MYT1L: variants seen among roughly 807,000 people sequenced by gnomAD.
MYT1L encodes myelin transcription factor 1 like.
A neutral mutation model predicts 126.7 loss-of-function variants in MYT1L; 12 were observed. The ratio of observed to expected loss-of-function variants is 0.09; its 90% confidence interval spans 0.06 to 0.15. MYT1L has a LOEUF of 0.15. Among genes scored for constraint, MYT1L ranks in the 10% least tolerant of loss-of-function variants. MYT1L has a pLI of 1.00. For synonymous variants in MYT1L, 541 were observed against 604.2 expected (o/e 0.90, Z 1.53); for missense variants, 979 against 1,585.2 (o/e 0.62, Z 6.49).
intron 3 of MYT1L, among the ~76,000 whole-genome samples, chr2:2,165,499 A>C (rs1325095181): frequency 2.0e-5 from 3 of 152,210 alleles, no homozygotes; most frequent in Admixed American, 2.0e-4. Context: ...GCGTAATTTC[A>C]ACAGAAAAGG....
intron 1 of MYT1L, among the ~76,000 whole-genome samples, chr2:2,322,636 A>G (rs1393350493): frequency 6.6e-6 from 1 of 151,828 alleles, no homozygotes; most frequent in Non-Finnish European, 1.5e-5. Flanking sequence ...CTTTGAAGGC[A>G]GCCAGGCACA....
intron 2 of MYT1L, among the ~76,000 whole-genome samples, chr2:2,174,812 A>G (rs182207364): frequency 0.014 from 2,122 of 152,246 alleles, 38 homozygotes; most frequent in Middle Eastern, 0.034. Flanking sequence ...AGCAAGACCC[A>G]TCTCAGCCAA....
At chr2:2,300,041 T>C (rs1187674802) in intron 1 of MYT1L, among the ~76,000 whole-genome samples, 2 of 152,198 alleles carry the variant, frequency 1.3e-5, no homozygotes, top group Non-Finnish European at 2.9e-5. Context: ...AACACTAGGA[T>C]GGAGCAGTAA....
chr2:1,796,608 C>G (rs961896451), intron 23 of MYT1L, among the ~76,000 whole-genome samples: 1 of 152,150 alleles, frequency 6.6e-6, no homozygotes, highest in African/African-American at 2.4e-5. Flanking sequence ...CACGAGCTCC[C>G]TTTTATACTC....
chr2:2,238,014 G>A (rs2149115684), intron 2 of MYT1L, among the ~76,000 whole-genome samples: 1 of 152,326 alleles, frequency 6.6e-6, no homozygotes, highest in Non-Finnish European at 1.5e-5. Flanking sequence ...TGACAGAAAG[G>A]CGCGTTATGA....
intron 2 of MYT1L, among the ~76,000 whole-genome samples, chr2:2,212,289 T>C (rs1033679116): frequency 6.6e-6 from 1 of 150,922 alleles, no homozygotes; most frequent in Non-Finnish European, 1.5e-5. Flanking sequence ...CCAGGATGAG[T>C]TACCCGATAA....
chr2:1,861,474 A>G (rs975613784), intron 18 of MYT1L, among the ~76,000 whole-genome samples: 3 of 144,090 alleles, frequency 2.1e-5, no homozygotes, highest in African/African-American at 7.7e-5. Context: ...TTTTTGTGCT[A>G]TTTTTTCTTG....
intron 2 of MYT1L, among the ~76,000 whole-genome samples, chr2:2,188,659 T>G (rs899245515): frequency 6.6e-6 from 1 of 152,072 alleles, no homozygotes. Context: ...TCCCTTCCTC[T>G]CCCTTTTTTG....
At chr2:2,313,852 C>T (rs548277266) in intron 1 of MYT1L, among the ~76,000 whole-genome samples, 83 of 152,114 alleles carry the variant, frequency 5.5e-4, no homozygotes, top group Non-Finnish European at 8.8e-4. Context: ...TTACTTATCT[C>T]GATACATACG....
Position 1,910,482 on chromosome 2 carries a change from A to G in MYT1L, c.1710-135T>C. 1.4e-6 allele frequency: 1 copy of G among 713,828 alleles called. No homozygotes were observed. The highest frequency in any genetic ancestry group is 2.4e-6 in the Non-Finnish European group (1 of 414,576). 44.2% of individuals were successfully genotyped at this position (713,828 alleles called of 1,614,324 possible). ...GTAGTTTCCCAAACCTGGCACAGGCAGTCCTGATGGGTGGACTGGGAGAGG... is the reference window on the plus strand; with the variant it reads ...GTAGTTTCCCAAACCTGGCACAGGCGGTCCTGATGGGTGGACTGGGAGAGG... On this transcript the variant is annotated intron_variant, in intron 12 of 24. Coordinates refer to ENST00000647738, the MANE Select transcript of MYT1L (RefSeq NM_001303052.2). The surrounding 1 kb of genome is among the most constrained non-coding windows in gnomAD (Gnocchi z 4.8).
chr2:2,298,764 T>C (rs886706367), intron 1 of MYT1L, among the ~76,000 whole-genome samples: 1 of 152,144 alleles, frequency 6.6e-6, no homozygotes, highest in African/African-American at 2.4e-5. Context: ...GCACCCTCAC[T>C]GAAGTTAGCC....
intron 23 of MYT1L, among the ~76,000 whole-genome samples, chr2:1,794,517 C>T (rs1344594498): frequency 3.3e-5 from 5 of 152,218 alleles, no homozygotes; most frequent in African/African-American, 9.6e-5. Context: ...AGTCCAACTG[C>T]TCCCCCGGCT....
At chr2:1,814,017 A>C (rs1572478269) in intron 21 of MYT1L, among the ~76,000 whole-genome samples, 1 of 122,374 alleles carries the variant, frequency 8.2e-6, no homozygotes, top group Non-Finnish European at 1.7e-5. Context: ...ACAGAGCGAG[A>C]CTCCGTCCCC....
At chr2:2,001,861 A>G (rs1558684692) in intron 4 of MYT1L, among the ~76,000 whole-genome samples, 1 of 152,158 alleles carries the variant, frequency 6.6e-6, no homozygotes, top group Non-Finnish European at 1.5e-5. Context: ...TTACTTTTTC[A>G]TTCCTCGAAT....
intron 4 of MYT1L, among the ~76,000 whole-genome samples, chr2:2,038,072 GGT>G (rs2067087079): frequency 6.6e-6 from 1 of 152,114 alleles, no homozygotes; most frequent in South Asian, 2.1e-4. Flanking sequence ...ACGTAGCATG[GGT>G]TCATTTGGAC....
intron 4 of MYT1L, among the ~76,000 whole-genome samples, chr2:2,004,400 TGCGTTCTTTCCTGC>T (rs2062891774): frequency 8.0e-6 from 1 of 125,402 alleles, no homozygotes; most frequent in South Asian, 2.3e-4. Flanking sequence ...CTTTCCTGCA[TGCGTTCTTTCCTGC>T]ATGCGTTCTT....
At chr2:2,316,829 G>A (rs535217673) in intron 1 of MYT1L, among the ~76,000 whole-genome samples, 14 of 148,678 alleles carry the variant, frequency 9.4e-5, no homozygotes, top group African/African-American at 3.2e-4. Context: ...TTTTTTTTTC[G>A]AGACAGAGTC....
chr2:1,801,469 C>G lies in MYT1L; in HGVS notation c.3276+227G>C, dbSNP rs535717893. On this transcript the variant is annotated intron_variant, in intron 23 of 24. Transcript: ENST00000647738. The surrounding 1 kb of genome is among the most constrained non-coding windows in gnomAD (Gnocchi z 4.2). Reference sequence around the variant, plus strand: ...CACAAATGCACTTTATTAAAAAACACAAACACACATGCAGACTGAAAACGA... The same window carrying G: ...CACAAATGCACTTTATTAAAAAACAGAAACACACATGCAGACTGAAAACGA... 2.3e-6 allele frequency: 1 copy of G among 432,996 alleles called. No homozygotes were observed. Among genetic ancestry groups the G allele is most frequent in the Non-Finnish European group, 4.1e-6 (1 of 246,652 alleles). The allele number at this position is 432,996 out of a possible 1,614,324, so 26.8% of individuals were successfully genotyped here.
At chr2:1,902,093 T>G (rs1347664591) in intron 14 of MYT1L, among the ~76,000 whole-genome samples, 1 of 152,204 alleles carries the variant, frequency 6.6e-6, no homozygotes, top group African/African-American at 2.4e-5. Flanking sequence ...TTGGTAAAAC[T>G]TGGCAATTAC....
Sources: allele counts gnomAD v4.1 joint callset (sites outside exome capture counted in the v4.1 genomes callset), GRCh38; gene constraint gnomAD v4.1.1; non-coding constraint Gnocchi (gnomAD v3.1); transcripts MANE v1.5; gene names NCBI Gene and HGNC (gene_info 2026-07-23, HGNC 2026-07-21).